Variants in ADAM22 observed in about 807,000 individuals in gnomAD.
ADAM22 encodes the protein ADAM metallopeptidase domain 22, also known as disintegrin and metalloproteinase domain-containing protein 22.
In ADAM22, 65 loss-of-function variants were observed where a neutral mutation model predicts 144.6. That is an observed-to-expected ratio of 0.45 (90% CI 0.37 to 0.55). ADAM22 has a LOEUF of 0.55. Ranked by LOEUF, ADAM22 falls within the 20% of genes least tolerant of loss-of-function variation. The pLI is 0.00. For missense variants in ADAM22, 974 were observed against 1,184.9 expected, an observed-to-expected ratio of 0.82 and a Z score of 2.61; for synonymous variants, 391 against 412.6, an observed-to-expected ratio of 0.95 and a Z score of 0.63.
At chr7:88,110,597 C>CA (rs1192643894) in intron 5 of ADAM22, among the ~76,000 whole-genome samples, 3 of 151,498 alleles carry the variant, frequency 2.0e-5, no homozygotes, top group Admixed American at 2.0e-4. Context: ...CACGGTGGCT[C>CA]ACCCCTGTAA....
At chr7:88,144,261 G>A (rs553152540) in intron 15 of ADAM22, among the ~76,000 whole-genome samples, 4 of 151,914 alleles carry the variant, frequency 2.6e-5, no homozygotes, top group Middle Eastern at 3.2e-3. Flanking sequence ...TCTATAATAC[G>A]TAAACTTTGA....
At position 88,183,833 on chromosome 7, in the gene ADAM22, CAT is replaced by C. The variant is rs35310717; in HGVS notation, c.2663+1824_2663+1825del. 1.2e-3 allele frequency among the ~76,000 whole-genome samples: 170 copies of C among 145,970 alleles called. 1 individual carries two copies. Among genetic ancestry groups the C allele is most frequent in the African/African-American group, 2.6e-3 (103 of 40,282 alleles). On this transcript the variant is annotated intron_variant, in intron 29 of 31. Transcript: ENST00000413139. ...CTCTATATATACACATGTATATATA[CAT>C]ATATATATATATATTTATACATACA...
chr7:88,078,006 A>G (rs553152094), intron 4 of ADAM22, among the ~76,000 whole-genome samples: 1 of 152,342 alleles, frequency 6.6e-6, no homozygotes, highest in East Asian at 1.9e-4. Flanking sequence ...TGGTTCTCCT[A>G]GCACGCAGCT....
At chr7:88,147,326 A>C (rs1836815750) in intron 17 of ADAM22, among the ~76,000 whole-genome samples, 1 of 152,248 alleles carries the variant, frequency 6.6e-6, no homozygotes, top group Non-Finnish European at 1.5e-5. Context: ...AAAAGATAAG[A>C]AACTGTGTGT....
intron 12 of ADAM22, among the ~76,000 whole-genome samples, chr7:88,133,875 T>C (rs1035573447): frequency 3.3e-5 from 5 of 152,364 alleles, no homozygotes; most frequent in Admixed American, 2.6e-4. Flanking sequence ...CTCCTGTTAC[T>C]CATTTCATTT....
intron 5 of ADAM22, among the ~76,000 whole-genome samples, chr7:88,113,197 T>C (rs1242564154): frequency 3.4e-5 from 5 of 145,992 alleles, no homozygotes; most frequent in Non-Finnish European, 7.5e-5. Context: ...AAATGACATG[T>C]CCATTTTTCC....
intron 4 of ADAM22, among the ~76,000 whole-genome samples, chr7:88,088,848 G>A (rs191443228): frequency 2.5e-3 from 381 of 151,970 alleles, no homozygotes; most frequent in African/African-American, 8.8e-3. Context: ...ATATAACACC[G>A]TGGACTCCTT....
intron 4 of ADAM22, among the ~76,000 whole-genome samples, chr7:88,102,142 T>C (rs771940835): frequency 6.6e-6 from 1 of 152,254 alleles, no homozygotes; most frequent in Non-Finnish European, 1.5e-5. Flanking sequence ...CAGGATATGG[T>C]AGATACTTCC....
At chr7:88,028,976 T>C (rs1244090292) in intron 3 of ADAM22, among the ~76,000 whole-genome samples, 1 of 152,100 alleles carries the variant, frequency 6.6e-6, no homozygotes, top group African/African-American at 2.4e-5. Flanking sequence ...AATGCCATTT[T>C]AATTTTTTTA....
At chr7:87,934,907 AG>A (rs1194318812) in intron 1 of ADAM22, 118 bp from the exon 2 acceptor site, 1 of 1,401,630 alleles carries the variant, frequency 7.1e-7, no homozygotes, top group South Asian at 1.2e-5. Context: ...TCCGAGAGGG[AG>A]GGGGCGGTGG....
At chr7:87,948,436 C>T (rs1345653022) in intron 2 of ADAM22, among the ~76,000 whole-genome samples, 1 of 152,066 alleles carries the variant, frequency 6.6e-6, no homozygotes, top group Admixed American at 6.6e-5. Context: ...ATTCATTCTC[C>T]TCTGTGGATG....
chr7:88,116,617 C>T (rs371325444), intron 6 of ADAM22, 128 bp from the exon 7 acceptor site: 2 of 686,488 alleles, frequency 2.9e-6, no homozygotes, highest in African/African-American at 1.8e-5. Flanking sequence ...AATGGTTCAT[C>T]ACCTCTCTAA....
At chr7:88,113,600 C>T (rs976210290) in intron 5 of ADAM22, among the ~76,000 whole-genome samples, 3 of 145,368 alleles carry the variant, frequency 2.1e-5, no homozygotes, top group East Asian at 4.0e-4. Context: ...ATTTATTGCC[C>T]TTCACCTGAT....
intron 2 of ADAM22, among the ~76,000 whole-genome samples, chr7:87,975,013 A>T (rs1004573049): frequency 2.4e-4 from 37 of 152,178 alleles, no homozygotes; most frequent in African/African-American, 8.7e-4. Context: ...AATCTCCCCA[A>T]GTCAAGGTCC....
intron 7 of ADAM22, among the ~76,000 whole-genome samples, chr7:88,117,816 C>A (rs1405859784): frequency 4.6e-5 from 7 of 151,834 alleles, no homozygotes; most frequent in African/African-American, 1.7e-4. Flanking sequence ...GCCTCAGCCT[C>A]CCAAGTAGCT....
chr7:88,104,004 C>T (rs1338599822), intron 4 of ADAM22, among the ~76,000 whole-genome samples: 1 of 152,082 alleles, frequency 6.6e-6, no homozygotes, highest in East Asian at 1.9e-4. Context: ...TTTGACCTCC[C>T]AGGTCCATGT....
At position 88,130,396 on chromosome 7, in the gene ADAM22, A is replaced by G. The variant is rs776591033; in HGVS notation, c.762A>G (p.Lys254=). 3.1e-6 allele frequency: 5 copies of G among 1,612,306 alleles called. No individual in the cohort carries two copies. The highest frequency in any genetic ancestry group is 4.2e-6 in the Non-Finnish European group (5 of 1,179,088). ...TTTTCTTTTGCTTTCAGTTTAAAAA[A>G]CATCGGCTTTCCGTTGTACATACCA... is the stretch of plus-strand genomic sequence containing the variant. ...MIVNDHLMFK[K]HRLSVVHTNT... The change falls in exon 10 of 32, where the codon AAA becomes AAG. Residue 254 remains lysine (K), a synonymous_variant. Transcript: ENST00000413139.
At chr7:87,960,582 C>T (rs757735996) in intron 2 of ADAM22, among the ~76,000 whole-genome samples, 8 of 152,144 alleles carry the variant, frequency 5.3e-5, no homozygotes, top group Non-Finnish European at 1.2e-4. Flanking sequence ...TATAGCTCCT[C>T]TTCTCTGCAG....
At chr7:88,194,952 T>A (rs1315295285) in intron 31 of ADAM22, among the ~76,000 whole-genome samples, 2 of 152,186 alleles carry the variant, frequency 1.3e-5, no homozygotes, top group African/African-American at 2.4e-5. Context: ...GATAGCATGG[T>A]GGCTTTACCA....
Sources: gnomAD v4.1 joint callset for allele counts (sites outside exome capture counted in the v4.1 genomes callset) on GRCh38, gnomAD v4.1.1 for gene constraint, MANE v1.5 for transcripts, NCBI Gene and HGNC (gene_info 2026-07-23, HGNC 2026-07-21) for gene names.